Variants in SERPINA4 observed in about 807,000 individuals in gnomAD.
The protein encoded by SERPINA4 is kallistatin.
A neutral mutation model predicts 25.4 loss-of-function variants in SERPINA4; 24 were observed. The observed-to-expected ratio is 0.95, with a 90% confidence interval of 0.69 to 1.33. The LOEUF is 1.33. SERPINA4 is among the 40% of genes most tolerant of loss of function. The probability of loss-of-function intolerance (pLI) is 0.00; values close to 1 mark genes in which losing one functional copy is unlikely to be tolerated. For synonymous variants in SERPINA4, 242 were observed against 223.6 expected, an observed-to-expected ratio of 1.08 and a Z score of -0.73; for missense variants, 553 against 535.8, an observed-to-expected ratio of 1.03 and a Z score of -0.32.
chr14:94,566,464 A>C (rs1326092988), intron 2 of SERPINA4, among the ~76,000 whole-genome samples: 3 of 152,200 alleles, frequency 2.0e-5, no homozygotes, highest in African/African-American at 7.2e-5. Context: ...AAACAGAATC[A>C]GTTAAACAGG....
intron 3 of SERPINA4, 100 bp downstream of exon 3, chr14:94,567,343 T>C (rs1186604593): frequency 7.0e-6 from 9 of 1,287,668 alleles, no homozygotes; most frequent in African/African-American, 3.0e-5. Context: ...AACACCAAAT[T>C]ATGAGAGAAT....
rs199872967 is a variant in SERPINA4, at chr14:94,563,740, C to T, written c.258C>T (p.Tyr86=). Residue 86 remains tyrosine (Y), a synonymous_variant, in exon 2 of 5, where the codon TAC becomes TAT. Coordinates refer to ENST00000557004, the MANE Select transcript of SERPINA4 (RefSeq NM_006215.4). Reference sequence around the variant, plus strand: ...CCCCGCTGAGCATCTCGGCGGCCTACGCCATGCTTTCCCTGGGGGCCTGCT... The same window carrying T: ...CCCCGCTGAGCATCTCGGCGGCCTATGCCATGCTTTCCCTGGGGGCCTGCT... ...FFSPLSISAA[Y]AMLSLGACSH... The T allele has an allele frequency of 4.8e-5, 78 of 1,614,074 alleles. No individual in the cohort carries two copies. The highest frequency in any genetic ancestry group is 5.8e-5 in the Non-Finnish European group (69 of 1,180,046).
chr14:94,568,525 A>G lies in SERPINA4; in HGVS notation c.1083+237A>G, dbSNP rs189103109. Among the ~76,000 whole-genome samples the G allele has an allele frequency of 4.4e-4, 67 of 152,352 alleles. 1 individual carries two copies. Among genetic ancestry groups the G allele is most frequent in the Non-Finnish European group, 6.3e-4 (43 of 68,030 alleles). ...GAGCTCTCCCAGTCTAGTCAGGGAC[A>G]CAGCGTCTTCATAGAGAGATAAACG... On this transcript the variant is annotated intron_variant, in intron 4 of 4. Coordinates refer to ENST00000557004, the MANE Select transcript of SERPINA4 (RefSeq NM_006215.4).
At chr14:94,567,465 C>T (rs1188557457) in intron 3 of SERPINA4, among the ~76,000 whole-genome samples, 1 of 152,182 alleles carries the variant, frequency 6.6e-6, no homozygotes, top group Non-Finnish European at 1.5e-5. Flanking sequence ...AGTAGGAGTT[C>T]AGAGTCCTGG....
At chr14:94,564,748 A>G (rs1217459379) in intron 2 of SERPINA4, among the ~76,000 whole-genome samples, 1 of 152,164 alleles carries the variant, frequency 6.6e-6, no homozygotes, top group Non-Finnish European at 1.5e-5. Flanking sequence ...ATCTCTATAA[A>G]CCTTTTGGTT....
intron 2 of SERPINA4, among the ~76,000 whole-genome samples, chr14:94,565,414 T>A (rs1902172874): frequency 6.6e-6 from 1 of 152,176 alleles, no homozygotes; most frequent in Admixed American, 6.5e-5. Context: ...ATCTCACAGT[T>A]CTAACCAGCT....
rs777524910 is a variant in SERPINA4 at position 94,568,253 on chromosome 14, G to A, written c.1048G>A (p.Gly350Ser). 28 of 1,614,032 alleles carry A rather than the reference G, an allele frequency of 1.7e-5. No homozygotes were observed. The highest frequency in any genetic ancestry group is 2.2e-5 in the East Asian group (1 of 44,886). ...DLFSKWADLSGITKQQKLEAS... is the reference protein window; with the variant it reads ...DLFSKWADLSSITKQQKLEAS... ...GTTCTCCAAGTGGGCTGACTTATCC[G>A]GCATCACCAAACAGCAAAAACTGGA... The change falls in exon 4 of 5, where the codon GGC (glycine) becomes AGC (serine). Residue 350 changes from glycine to serine, a missense_variant. By Grantham distance (56) the Gly-to-Ser change is moderately conservative (BLOSUM62 0). Coordinates refer to ENST00000557004, the MANE Select transcript of SERPINA4 (RefSeq NM_006215.4).
intron 2 of SERPINA4, among the ~76,000 whole-genome samples, chr14:94,566,483 C>T (rs1384276399): frequency 1.3e-5 from 2 of 152,156 alleles, no homozygotes; most frequent in African/African-American, 4.8e-5. Flanking sequence ...GGAAATCTCT[C>T]ATCTTCTCAC....
intron 1 of SERPINA4, among the ~76,000 whole-genome samples, chr14:94,562,878 T>G (rs1024719290): frequency 2.0e-5 from 3 of 152,072 alleles, no homozygotes; most frequent in African/African-American, 7.2e-5. Flanking sequence ...CTGTACGGGG[T>G]AACAATACAA....
At chr14:94,562,260 A>G (rs1902052404) in intron 1 of SERPINA4, among the ~76,000 whole-genome samples, 1 of 152,290 alleles carries the variant, frequency 6.6e-6, no homozygotes, top group East Asian at 1.9e-4. Context: ...GTGGTCTGCA[A>G]AACCACAGAT....
In SERPINA4 at chr14:94,568,291, A is replaced by T; in HGVS notation, c.1083+3A>T. ...AGCAAAAACTGGAGGCATCCAAAGT[A>T]AGTCGTCAACAGTCAGCAATCCCTA... On this transcript the variant is annotated splice_donor_region_variant and intron_variant, in intron 4 of 4. Coordinates refer to ENST00000557004, the MANE Select transcript of SERPINA4 (RefSeq NM_006215.4). The T allele has an allele frequency of 1.9e-6, 3 of 1,614,184 alleles. No individual in the cohort carries two copies. The highest frequency in any genetic ancestry group is 2.5e-6 in the Non-Finnish European group (3 of 1,180,020).
chr14:94,568,576 C>T (rs770461089), intron 4 of SERPINA4, among the ~76,000 whole-genome samples: 2 of 152,110 alleles, frequency 1.3e-5, no homozygotes, highest in African/African-American at 4.8e-5. Flanking sequence ...GAGGAGGGGC[C>T]GGGCATGGTA....
chr14:94,566,136 A>G (rs1299320330), intron 2 of SERPINA4, among the ~76,000 whole-genome samples: 1 of 152,096 alleles, frequency 6.6e-6, no homozygotes, highest in African/African-American at 2.4e-5. Context: ...AAACACTCTG[A>G]ACTCTTAACT....
chr14:94,569,439 G>A lies in SERPINA4; in HGVS notation c.1128G>A (p.Glu376=). 6.2e-7 allele frequency: 1 copy of A among 1,614,172 alleles called. No homozygotes were observed. Among genetic ancestry groups the A allele is most frequent in the Non-Finnish European group, 8.5e-7 (1 of 1,180,040 alleles). The change falls in exon 5 of 5, where the codon GAG becomes GAA. Residue 376 remains glutamate (E), a synonymous_variant. Coordinates refer to ENST00000557004, the MANE Select transcript of SERPINA4 (RefSeq NM_006215.4). The part of the protein sequence containing the change: ...ATLDVDEAGT[E]AAAATSFAIK... ...TGGACGTGGATGAGGCTGGCACCGAGGCTGCAGCAGCCACCAGCTTCGCGA... is the reference window on the plus strand; with the variant it reads ...TGGACGTGGATGAGGCTGGCACCGAAGCTGCAGCAGCCACCAGCTTCGCGA...
rs181497903 is a variant in SERPINA4 at position 94,568,528 on chromosome 14, G to T, written c.1083+240G>T. Among the ~76,000 whole-genome samples, 34 of 152,342 alleles carry T rather than the reference G, an allele frequency of 2.2e-4. No homozygotes were observed. The East Asian group carries it at 5.2e-3, about 23-fold the overall frequency. ...CTCTCCCAGTCTAGTCAGGGACACA[G>T]CGTCTTCATAGAGAGATAAACGCAA... On this transcript the variant is annotated intron_variant, in intron 4 of 4. Transcript: ENST00000557004.
At chr14:94,566,939 G>A in intron 2 of SERPINA4, 31 bp from the exon 3 acceptor site, 2 of 1,596,334 alleles carry the variant, frequency 1.3e-6, no homozygotes, top group South Asian at 1.1e-5. Flanking sequence ...GCCTGCAGAT[G>A]TCCTGTACCT....
rs769083861 is a variant in SERPINA4 at position 94,569,463 on chromosome 14, G to C, written c.1152G>C (p.Ala384=). Residue 384 remains alanine (A), a synonymous_variant, in exon 5 of 5, where the codon GCG becomes GCC. Coordinates refer to ENST00000557004, the MANE Select transcript of SERPINA4 (RefSeq NM_006215.4). ...AGGCTGCAGCAGCCACCAGCTTCGC[G>C]ATCAAATTCTTCTCTGCCCAGACCA... ...GTEAAAATSF[A]IKFFSAQTNR... 9 of 1,614,172 alleles carry C rather than the reference G, an allele frequency of 5.6e-6. No individual in the cohort carries two copies. Among genetic ancestry groups the C allele is most frequent in the Non-Finnish European group, 7.6e-6 (9 of 1,180,040 alleles).
chr14:94,562,714 A>G (rs1213731052), intron 1 of SERPINA4, among the ~76,000 whole-genome samples: 2 of 152,188 alleles, frequency 1.3e-5, no homozygotes, highest in Non-Finnish European at 2.9e-5. Context: ...TTGGCCTGAC[A>G]ACCGGATACT....
chr14:94,563,429 T>TG, intron 1 of SERPINA4, 37 bp from the exon 2 acceptor site: 1 of 1,559,264 alleles, frequency 6.4e-7, no homozygotes, highest in Non-Finnish European at 8.7e-7. Flanking sequence ...GGTGTTCTTC[T>TG]GGGGGAATTT....
Sources: allele counts gnomAD v4.1 joint callset (sites outside exome capture counted in the v4.1 genomes callset), GRCh38; gene constraint gnomAD v4.1.1; transcripts MANE v1.5; gene names NCBI Gene and HGNC (gene_info 2026-07-23, HGNC 2026-07-21).